Variants in AZIN2 observed in about 807,000 individuals in gnomAD.
AZIN2 encodes ODC antizyme inhibitor-2.
Under a neutral mutation model 47.8 loss-of-function variants are expected in AZIN2, and 28 were observed. The observed-to-expected ratio is 0.59, with a 90% CI of 0.43 to 0.80. AZIN2 has a LOEUF of 0.80. Among genes scored for constraint, AZIN2 ranks in the 30% least tolerant of loss-of-function variants. The pLI is 0.00. For missense variants in AZIN2, 535 were observed against 582.5 expected (o/e 0.92, Z 0.84); for synonymous variants, 221 against 239.4 (o/e 0.92, Z 0.71).
At chr1:33,133,204 C>G in the AZIN2 span, among the ~76,000 whole-genome samples, 1 of 152,236 alleles carries the variant, frequency 6.6e-6, no homozygotes, top group South Asian at 2.1e-4. Flanking sequence ...TTCAACAGAT[C>G]CTGGACAAGG....
At position 33,082,168 on chromosome 1, in the gene AZIN2, C is replaced by T. The variant is rs918593334; in HGVS notation, c.-72-10C>T. On this transcript the variant is annotated splice_polypyrimidine_tract_variant and intron_variant, in intron 3 of 11. Coordinates refer to ENST00000294517, the MANE Select transcript of AZIN2 (RefSeq NM_052998.4). ...CCCAGCGGTTCCCTTCATCTCCCCTCGCCCCGCAGTGTGTTGCATACTTTC... is the reference window on the plus strand; with the variant it reads ...CCCAGCGGTTCCCTTCATCTCCCCTTGCCCCGCAGTGTGTTGCATACTTTC... 5.9e-5 allele frequency: 70 copies of T among 1,192,962 alleles called. No homozygotes were observed. The African/African-American group carries it at 1.0e-3, about 18-fold the overall frequency. 73.9% of individuals were successfully genotyped at this position (1,192,962 alleles called of 1,614,324 possible).
intron 10 of AZIN2, among the ~76,000 whole-genome samples, chr1:33,100,793 T>G (rs1037812201): frequency 4.6e-5 from 7 of 152,068 alleles, no homozygotes; most frequent in African/African-American, 1.7e-4. Context: ...CTCATAATGG[T>G]TTTTATATTA....
chr1:33,151,764 A>G, the AZIN2 span, among the ~76,000 whole-genome samples: 4 of 152,246 alleles, frequency 2.6e-5, no homozygotes, highest in African/African-American at 9.6e-5. Context: ...GGTCAAAGGC[A>G]TTCAGGAAGG....
chr1:33,155,906 T>C, the AZIN2 span, among the ~76,000 whole-genome samples: 1 of 152,224 alleles, frequency 6.6e-6, no homozygotes, highest in African/African-American at 2.4e-5. Context: ...TTCTTCTCTA[T>C]CTGCAAACCT....
At chr1:33,091,772 A>G (rs1642576549) in intron 5 of AZIN2, among the ~76,000 whole-genome samples, 1 of 152,172 alleles carries the variant, frequency 6.6e-6, no homozygotes, top group Admixed American at 6.5e-5. Context: ...GTTTTAATAA[A>G]TATACAAATC....
chr1:33,114,345 T>C (rs1444357769), intron 10 of AZIN2, among the ~76,000 whole-genome samples: 2 of 146,894 alleles, frequency 1.4e-5, no homozygotes, highest in Non-Finnish European at 3.0e-5. Flanking sequence ...GGATGATTTT[T>C]TTTTCTTTTC....
At chr1:33,124,495 A>G (rs975221614), downstream of AZIN2, among the ~76,000 whole-genome samples, 1 of 152,194 alleles carries the variant, frequency 6.6e-6, no homozygotes, top group Non-Finnish European at 1.5e-5. This position sits in a 1 kb window ranked among gnomAD's most constrained non-coding sequence, Gnocchi z 4.6. Flanking sequence ...CTCTGCCCAC[A>G]GTCTGAAAGG....
the AZIN2 span, among the ~76,000 whole-genome samples, chr1:33,161,143 T>G: frequency 6.6e-6 from 1 of 152,226 alleles, no homozygotes; most frequent in Admixed American, 6.5e-5. The surrounding 1 kb of genome is among the most constrained non-coding windows in gnomAD (Gnocchi z 4.3). Flanking sequence ...GGGGGTGTTG[T>G]TGTGCGCACT....
the AZIN2 span, among the ~76,000 whole-genome samples, chr1:33,141,581 A>G: frequency 6.6e-6 from 1 of 152,306 alleles, no homozygotes; most frequent in South Asian, 2.1e-4. Flanking sequence ...GCTTCCTGAA[A>G]GCCCTTCCCC....
chr1:33,135,002 T>C, the AZIN2 span, among the ~76,000 whole-genome samples: 1 of 152,178 alleles, frequency 6.6e-6, no homozygotes, highest in African/African-American at 2.4e-5. Flanking sequence ...AAACCATTCA[T>C]GGATCTGGGC....
chr1:33,116,394 A>G (rs1644540627), intron 10 of AZIN2, among the ~76,000 whole-genome samples: 1 of 152,176 alleles, frequency 6.6e-6, no homozygotes, highest in East Asian at 1.9e-4. Context: ...TAAGGTATTG[A>G]AACGCCTTTC....
At chr1:33,139,776 A>AT in the AZIN2 span, among the ~76,000 whole-genome samples, 2 of 152,108 alleles carry the variant, frequency 1.3e-5, no homozygotes, top group African/African-American at 4.8e-5. Flanking sequence ...AGTGCTGAGG[A>AT]TGGGGGCAAG....
downstream of AZIN2, among the ~76,000 whole-genome samples, chr1:33,126,284 C>T (rs1644855996): frequency 6.6e-6 from 1 of 152,162 alleles, no homozygotes. Context: ...TCTATTCCTT[C>T]ATTAGGGGTT....
intron 5 of AZIN2, among the ~76,000 whole-genome samples, chr1:33,085,010 C>T (rs771656258): frequency 6.6e-6 from 1 of 152,158 alleles, no homozygotes; most frequent in Non-Finnish European, 1.5e-5. Flanking sequence ...AGACTGCTGT[C>T]CTTGAGTTGA....
the AZIN2 span, chr1:33,142,169 C>G: frequency 6.6e-6 from 1 of 152,290 alleles, no homozygotes; most frequent in Admixed American, 6.5e-5. Flanking sequence ...GATACCGGGC[C>G]TTTGCAACTG....
downstream of AZIN2, among the ~76,000 whole-genome samples, chr1:33,124,450 C>A (rs1035027903): frequency 6.6e-6 from 1 of 152,090 alleles, no homozygotes; most frequent in Non-Finnish European, 1.5e-5. The surrounding 1 kb of genome is among the most constrained non-coding windows in gnomAD (Gnocchi z 4.6). Context: ...AGGGAGGAGA[C>A]CTTCAGGGCT....
intron 9 of AZIN2, among the ~76,000 whole-genome samples, chr1:33,097,327 T>C (rs1643261082): frequency 6.6e-6 from 1 of 152,190 alleles, no homozygotes; most frequent in East Asian, 1.9e-4. Flanking sequence ...GATGACAACA[T>C]AGGCAGGGGG....
At chr1:33,140,308 G>T in the AZIN2 span, among the ~76,000 whole-genome samples, 4 of 152,226 alleles carry the variant, frequency 2.6e-5, no homozygotes, top group Admixed American at 2.6e-4. This position sits in a 1 kb window ranked among gnomAD's most constrained non-coding sequence, Gnocchi z 4.0. Context: ...CCTGGTGAGA[G>T]GCACAAACCT....
chr1:33,102,940 A>C (rs1643816287), intron 10 of AZIN2, among the ~76,000 whole-genome samples: 1 of 152,208 alleles, frequency 6.6e-6, no homozygotes, highest in African/African-American at 2.4e-5. Context: ...AAAAGTTGGC[A>C]TTATTCTTGA....
Sources: gnomAD v4.1 joint callset for allele counts (sites outside exome capture counted in the v4.1 genomes callset) on GRCh38, gnomAD v4.1.1 for gene constraint, Gnocchi (gnomAD v3.1) non-coding constraint, MANE v1.5 for transcripts, NCBI Gene and HGNC (gene_info 2026-07-23, HGNC 2026-07-21) for gene names.